The following ST8SIA1 variants were observed in gnomAD, a reference collection of about 807,000 sequenced individuals.
ST8SIA1 encodes the protein ST8 alpha-N-acetyl-neuraminide alpha-2,8-sialyltransferase 1.
A neutral mutation model predicts 35.9 loss-of-function variants in ST8SIA1; 16 were observed. That is an observed-to-expected ratio of 0.45 (90% CI 0.30 to 0.68). The LOEUF (loss-of-function observed/expected upper bound fraction) is 0.68. Among genes scored for constraint, ST8SIA1 ranks in the 30% least tolerant of loss-of-function variants. ST8SIA1 has a pLI of 0.09. For missense variants in ST8SIA1, 383 were observed against 453.6 expected, an observed-to-expected ratio of 0.84 and a Z score of 1.41; for synonymous variants, 170 against 169.6, an observed-to-expected ratio of 1.00 and a Z score of -0.02.
At chr12:22,291,657 C>A (rs1866178283) in intron 1 of ST8SIA1, among the ~76,000 whole-genome samples, 2 of 152,126 alleles carry the variant, frequency 1.3e-5, no homozygotes, top group Admixed American at 1.3e-4. Flanking sequence ...ACCAAGTATG[C>A]AATCTAAAAT....
intron 1 of ST8SIA1, among the ~76,000 whole-genome samples, chr12:22,299,569 A>C (rs1591848828): frequency 6.6e-6 from 1 of 152,262 alleles, no homozygotes; most frequent in Non-Finnish European, 1.5e-5. Flanking sequence ...GATTTATTAA[A>C]AAAATTTTTA....
intron 1 of ST8SIA1, among the ~76,000 whole-genome samples, chr12:22,316,367 AG>A (rs1435831235): frequency 6.6e-6 from 1 of 152,232 alleles, no homozygotes; most frequent in African/African-American, 2.4e-5. Context: ...TGGATTATCT[AG>A]AATGGATGGA....
intron 2 of ST8SIA1, among the ~76,000 whole-genome samples, chr12:22,274,734 T>C (rs977198057): frequency 5.3e-5 from 8 of 152,222 alleles, no homozygotes; most frequent in Non-Finnish European, 1.0e-4. Flanking sequence ...CTTCCATCGC[T>C]GTTGCCTGGA....
At chr12:22,308,617 T>C (rs1410670055) in intron 1 of ST8SIA1, among the ~76,000 whole-genome samples, 1 of 152,214 alleles carries the variant, frequency 6.6e-6, no homozygotes, top group Non-Finnish European at 1.5e-5. Context: ...AATTACCGCC[T>C]CTATTTCTTC....
At chr12:22,319,071 A>G (rs2135838849) in intron 1 of ST8SIA1, among the ~76,000 whole-genome samples, 1 of 152,334 alleles carries the variant, frequency 6.6e-6, no homozygotes, top group East Asian at 1.9e-4. Context: ...TGACTGCCTA[A>G]CTGCCCTTAG....
chr12:22,222,209 T>C (rs1185067087), intron 4 of ST8SIA1, among the ~76,000 whole-genome samples: 2 of 152,192 alleles, frequency 1.3e-5, no homozygotes, highest in Non-Finnish European at 2.9e-5. Context: ...AACATCACAC[T>C]GAAGGAATTC....
intron 4 of ST8SIA1, among the ~76,000 whole-genome samples, chr12:22,207,829 A>G (rs868647538): frequency 6.6e-6 from 1 of 152,112 alleles, no homozygotes; most frequent in African/African-American, 2.4e-5. Flanking sequence ...ATTTTAAAAT[A>G]TATTATTTAA....
chr12:22,207,397 A>G (rs1260302120), intron 4 of ST8SIA1, among the ~76,000 whole-genome samples: 2 of 152,240 alleles, frequency 1.3e-5, no homozygotes, highest in African/African-American at 4.8e-5. Context: ...AGAACTCAGT[A>G]TATTTTTCCA....
At position 22,200,112 on chromosome 12, in the gene ST8SIA1, C is replaced by T. The variant is rs1394191598; in HGVS notation, c.*1440G>A. On this transcript the variant is annotated 3_prime_UTR_variant, in exon 5 of 5. Coordinates refer to ENST00000396037, the MANE Select transcript of ST8SIA1 (RefSeq NM_003034.4). ...ATTTCTTTACTTGTACAAACTATAC[C>T]TTGTGTGACCACGCTCAACAGCAAG... The T allele has an allele frequency of 6.6e-6, 1 of 152,166 alleles. No homozygotes were observed. Among genetic ancestry groups the T allele is most frequent in the Non-Finnish European group, 1.5e-5 (1 of 68,040 alleles). The allele number at this position is 152,166 out of a possible 1,614,324, so 9.4% of individuals were successfully genotyped here.
At chr12:22,318,769 C>T (rs1305671309) in intron 1 of ST8SIA1, among the ~76,000 whole-genome samples, 1 of 152,130 alleles carries the variant, frequency 6.6e-6, no homozygotes, top group Admixed American at 6.5e-5. Context: ...TTATCATTTG[C>T]GATTCATTCC....
At chr12:22,333,906 A>G (rs2135851818) in intron 1 of ST8SIA1, 91 bp downstream of exon 1, 3 of 1,094,730 alleles carry the variant, frequency 2.7e-6, no homozygotes, top group Non-Finnish European at 4.2e-6. Flanking sequence ...CCTCTGCGAG[A>G]CGGTGCAAGG....
rs768240107 is a variant in ST8SIA1, at chr12:22,287,286, T to G, written c.244A>C (p.Met82Leu). The change falls in exon 2 of 5, where the codon ATG (methionine) becomes CTG (leucine). Residue 82 changes from methionine (M) to leucine (L), a missense_variant. Physicochemically the swap from Met to Leu is conservative, Grantham distance 15 (BLOSUM62 2). Transcript: ENST00000396037. ...QTAARAFRKQMEDCCDPAHLF... is the reference protein window; with the variant it reads ...QTAARAFRKQLEDCCDPAHLF... Reference sequence around the variant, plus strand: ...TGGGCAGGGTCGCAGCAGTCTTCCATTTGTTTCCTAGGAGAGAAAACAGAG... The same window carrying G: ...TGGGCAGGGTCGCAGCAGTCTTCCAGTTGTTTCCTAGGAGAGAAAACAGAG... 1.9e-6 allele frequency: 3 copies of G among 1,611,882 alleles called. No homozygotes were observed. Among genetic ancestry groups the G allele is most frequent in the Non-Finnish European group, 2.5e-6 (3 of 1,179,294 alleles).
At chr12:22,229,713 G>T (rs1865396242) in intron 4 of ST8SIA1, among the ~76,000 whole-genome samples, 1 of 151,984 alleles carries the variant, frequency 6.6e-6, no homozygotes, top group Non-Finnish European at 1.5e-5. Context: ...ACAGGATCAA[G>T]GATGGTTTGA....
intron 2 of ST8SIA1, among the ~76,000 whole-genome samples, chr12:22,263,794 C>A (rs1264638212): frequency 1.3e-5 from 2 of 152,066 alleles, no homozygotes; most frequent in Non-Finnish European, 2.9e-5. Context: ...AATTGTGGCA[C>A]CAAGTGCCAC....
intron 2 of ST8SIA1, among the ~76,000 whole-genome samples, chr12:22,277,366 C>CTTTT (rs34650104): frequency 4.0e-5 from 5 of 124,820 alleles, no homozygotes; most frequent in Non-Finnish European, 6.7e-5. Context: ...TAATAGTGAA[C>CTTTT]TTTTTTTTTT....
chr12:22,201,532 C>A lies in ST8SIA1; in HGVS notation c.*20G>T, dbSNP rs12581521. The A allele has an allele frequency of 0.017, 26,849 of 1,578,664 alleles. 1,595 individuals are homozygous for A. The highest frequency in any genetic ancestry group is 0.13 in the South Asian group (11,155 of 83,050). ...CCTAACAAAAATACCCTGGTTCAGT[C>A]CTTTCTTCTTCCATTGTTCCTAGGA... On this transcript the variant is annotated 3_prime_UTR_variant, in exon 5 of 5. Transcript: ENST00000396037.
chr12:22,267,451 C>T (rs911086991), intron 2 of ST8SIA1, among the ~76,000 whole-genome samples: 17 of 152,156 alleles, frequency 1.1e-4, no homozygotes, highest in Non-Finnish European at 7.4e-5. Context: ...GCTGCTGATG[C>T]TTTATTTCCC....
chr12:22,266,035 T>C (rs1197896769), intron 2 of ST8SIA1, among the ~76,000 whole-genome samples: 1 of 151,770 alleles, frequency 6.6e-6, no homozygotes, highest in Admixed American at 6.6e-5. Context: ...ACACCCAATA[T>C]TCCCTCCACA....
chr12:22,292,087 A>G (rs1866183536), intron 1 of ST8SIA1, among the ~76,000 whole-genome samples: 1 of 152,122 alleles, frequency 6.6e-6, no homozygotes, highest in Non-Finnish European at 1.5e-5. Context: ...TTTAATTTTC[A>G]GTTATTTAAT....
Sources: gnomAD v4.1 joint callset for allele counts (sites outside exome capture counted in the v4.1 genomes callset) on GRCh38, gnomAD v4.1.1 for gene constraint, MANE v1.5 for transcripts, NCBI Gene and HGNC (gene_info 2026-07-23, HGNC 2026-07-21) for gene names.